Variants in INPP5D observed in about 807,000 individuals in gnomAD.
INPP5D encodes the protein inositol polyphosphate-5-phosphatase D, also known as phosphatidylinositol 3,4,5-trisphosphate 5-phosphatase 1.
In INPP5D, 33 loss-of-function variants were observed where a neutral mutation model predicts 122.9. The ratio of observed to expected loss-of-function variants is 0.27; its 90% CI spans 0.20 to 0.36. The LOEUF is 0.36. INPP5D is among the 10% of genes least tolerant of loss of function. The pLI, the probability that INPP5D is intolerant of heterozygous loss-of-function variation, is 1.00. For synonymous variants in INPP5D, 584 were observed against 576.2 expected, an observed-to-expected ratio of 1.01 and a Z score of -0.19; for missense variants, 1,053 against 1,412.7, an observed-to-expected ratio of 0.75 and a Z score of 4.08.
intron 1 of INPP5D, among the ~76,000 whole-genome samples, chr2:233,077,509 AT>A (rs1168489775): frequency 6.6e-6 from 1 of 152,216 alleles, no homozygotes; most frequent in Non-Finnish European, 1.5e-5. Context: ...AAAATACAAA[AT>A]TAGCTGGGTG....
intron 2 of INPP5D, among the ~76,000 whole-genome samples, chr2:233,103,704 T>C (rs1312843895): frequency 1.6e-5 from 2 of 126,208 alleles, no homozygotes; most frequent in East Asian, 4.0e-4. Flanking sequence ...AAGTAGTTCT[T>C]TTTTTTTTTT....
At chr2:233,073,301 C>G (rs1263340728) in intron 1 of INPP5D, among the ~76,000 whole-genome samples, 1 of 152,122 alleles carries the variant, frequency 6.6e-6, no homozygotes, top group East Asian at 1.9e-4. Flanking sequence ...GTGACAGGCT[C>G]TTAGGTTGGT....
At chr2:233,163,564 T>A (rs1319537593) in intron 11 of INPP5D, 143 bp from the exon 12 acceptor site, 1 of 1,445,288 alleles carries the variant, frequency 6.9e-7, no homozygotes. Context: ...CAGGCCTCCA[T>A]TGCAGGCATT....
intron 9 of INPP5D, among the ~76,000 whole-genome samples, chr2:233,149,091 G>A (rs138328498): frequency 0.41 from 60,340 of 146,186 alleles, 12,745 homozygotes; most frequent in South Asian, 0.48. Context: ...CTTCAGGCAT[G>A]ATCAGCACCT....
Position 233,170,949 on chromosome 2 carries a change from T to C in INPP5D, c.1901-115T>C. On this transcript the variant is annotated intron_variant, in intron 16 of 26. Coordinates refer to ENST00000445964, the MANE Select transcript of INPP5D (RefSeq NM_001017915.3). The surrounding 1 kb of genome is among the most constrained non-coding windows in gnomAD (Gnocchi z 4.5). ...AGCAGCAGCCTCTCCTCTTGGAGCC[T>C]TTCCAGCCATCCTTTCGTCCCCTTT... 7.0e-7 allele frequency: 1 copy of C among 1,419,724 alleles called. No individual in the cohort carries two copies. Among genetic ancestry groups the C allele is most frequent in the Non-Finnish European group, 9.5e-7 (1 of 1,048,928 alleles). The allele number at this position is 1,419,724 out of a possible 1,614,324, so 87.9% of individuals were successfully genotyped here. A position where few individuals can be genotyped will look rare whatever the true frequency, so the allele number is the denominator to read the frequency against.
intron 20 of INPP5D, 43 bp from the exon 21 acceptor site, chr2:233,185,800 C>A (rs1351562632): frequency 2.6e-6 from 4 of 1,532,162 alleles, no homozygotes; most frequent in Middle Eastern, 1.7e-4. Context: ...CTGTCTGGTT[C>A]TTGCTCTGTT....
At position 233,074,482 on chromosome 2, in the gene INPP5D, C is replaced by T. The variant is rs71421678; in HGVS notation, c.135-4853C>T. On this transcript the variant is annotated intron_variant, in intron 1 of 26. Coordinates refer to ENST00000445964, the MANE Select transcript of INPP5D (RefSeq NM_001017915.3). ...GGGGTCCATGTTAGCAAGAAATGGC[C>T]TCTTTTCATTCATCAACTTTAGCTT... Among the ~76,000 whole-genome samples, 479 of 152,296 alleles carry T rather than the reference C, an allele frequency of 3.1e-3. 4 individuals carry two copies. Among genetic ancestry groups the T allele is most frequent in the Non-Finnish European group, 5.7e-3 (386 of 68,020 alleles).
chr2:233,194,022 C>T (rs912591629), intron 23 of INPP5D, 61 bp downstream of exon 23: 14 of 1,496,030 alleles, frequency 9.4e-6, no homozygotes, highest in Admixed American at 2.4e-5. Context: ...CGGGAACGTG[C>T]TTTCTCTCAG....
At position 233,188,226 on chromosome 2, in the gene INPP5D, T is replaced by C. The variant is rs1309253255; in HGVS notation, c.2359-1624T>C. ...CAGGACTGCAGGGGCCTTCACCGTC[T>C]CCTGCTCCCTGACCCCCGCCCCACC... is the stretch of plus-strand genomic sequence containing the variant. On this transcript the variant is annotated intron_variant, in intron 21 of 26. Transcript: ENST00000445964. This position sits in a 1 kb window ranked among gnomAD's most constrained non-coding sequence, Gnocchi z 4.7. 1.3e-5 allele frequency among the ~76,000 whole-genome samples: 2 copies of C among 152,058 alleles called. No homozygotes were observed. Among genetic ancestry groups the C allele is most frequent in the Admixed American group, 1.3e-4 (2 of 15,264 alleles).
rs148905765 is a variant in INPP5D, at chr2:233,125,223, G to A, written c.350-522G>A. Among the ~76,000 whole-genome samples the A allele has an allele frequency of 3.0e-3, 456 of 152,344 alleles. 2 individuals are homozygous for A. Among genetic ancestry groups the A allele is most frequent in the African/African-American group, 0.011 (439 of 41,564 alleles). ...TCTTTTATGTGTTTCTGAGAGTCTG[G>A]GGGAGGAGAGAAGGAAGGACAGAGG... On this transcript the variant is annotated intron_variant, in intron 3 of 26. Coordinates refer to ENST00000445964, the MANE Select transcript of INPP5D (RefSeq NM_001017915.3).
intron 4 of INPP5D, among the ~76,000 whole-genome samples, chr2:233,127,328 A>C: frequency 6.6e-6 from 1 of 152,238 alleles, no homozygotes; most frequent in East Asian, 1.9e-4. Flanking sequence ...TGCAGAGACC[A>C]AGGAAAGCGG....
In INPP5D at chr2:233,204,557, C is replaced by G; in HGVS notation, c.3407C>G (p.Thr1136Ser). 1.9e-6 allele frequency: 3 copies of G among 1,571,658 alleles called. No individual in the cohort carries two copies. Among genetic ancestry groups the G allele is most frequent in the South Asian group, 1.2e-5 (1 of 85,814 alleles). Residue 1136 changes from threonine (T) to serine (S), a missense_variant, in exon 26 of 27, where the codon ACC (threonine) becomes AGC (serine). Coordinates refer to ENST00000445964, the MANE Select transcript of INPP5D (RefSeq NM_001017915.3). ...RSEINQQTPP[T>S]PTPRPPLPVK... ...GAAATCAACCAGCAGACCCCGCCCA[C>G]CCCGACGCCGCGGCCGCCGCTGCCA...
chr2:233,070,576 G>A (rs934829270), intron 1 of INPP5D, among the ~76,000 whole-genome samples: 5 of 151,964 alleles, frequency 3.3e-5, no homozygotes, highest in Admixed American at 3.3e-4. Flanking sequence ...CGAGTAGCTG[G>A]GATTACAGGC....
chr2:233,134,048 T>C (rs907557313), intron 5 of INPP5D: 4 of 455,572 alleles, frequency 8.8e-6, no homozygotes, highest in African/African-American at 8.0e-5. Context: ...TGCCGCTTGA[T>C]TGGATGTGGG....
At position 233,197,642 on chromosome 2, in the gene INPP5D, T is replaced by C. The variant is rs1695218055; in HGVS notation, c.2694-453T>C. Among the ~76,000 whole-genome samples, 1 of 152,214 alleles carries C rather than the reference T, an allele frequency of 6.6e-6. No homozygotes were observed. Among genetic ancestry groups the C allele is most frequent in the South Asian group, 2.1e-4 (1 of 4,830 alleles). ...AGTCTCCCCTTCTTTCTCTCTTATC[T>C]GCTTATCTTCTTATCTCAGATGAAA... On this transcript the variant is annotated intron_variant, in intron 24 of 26. Transcript: ENST00000445964. This position sits in a 1 kb window ranked among gnomAD's most constrained non-coding sequence, Gnocchi z 4.4.
chr2:233,171,389 C>A, intron 17 of INPP5D: 1 of 481,800 alleles, frequency 2.1e-6, no homozygotes. Flanking sequence ...CTCTAAGATG[C>A]TGAGAGGACT....
intron 18 of INPP5D, among the ~76,000 whole-genome samples, chr2:233,181,372 C>A (rs994196239): frequency 6.6e-6 from 1 of 152,086 alleles, no homozygotes; most frequent in Non-Finnish European, 1.5e-5. Context: ...CCTTTGCTGG[C>A]GGTTTTTCCT....
rs755601897 is a variant in INPP5D at position 233,188,413 on chromosome 2, C to A, written c.2359-1437C>A. ...ATTTCCACTCCATCCCAGGGAGGAC[C>A]GGGTCTTCCTCCAGCATCCAAGAAC... On this transcript the variant is annotated intron_variant, in intron 21 of 26. Coordinates refer to ENST00000445964, the MANE Select transcript of INPP5D (RefSeq NM_001017915.3). The surrounding 1 kb of genome is among the most constrained non-coding windows in gnomAD (Gnocchi z 4.7). 6.6e-6 allele frequency among the ~76,000 whole-genome samples: 1 copy of A among 152,120 alleles called. No individual in the cohort carries two copies. Among genetic ancestry groups the A allele is most frequent in the South Asian group, 2.1e-4 (1 of 4,824 alleles).
At chr2:233,176,009 T>C (rs12470626) in intron 17 of INPP5D, among the ~76,000 whole-genome samples, 5,261 of 152,048 alleles carry the variant, frequency 0.035, 157 homozygotes, top group East Asian at 0.12. Context: ...TGAAAGAAAA[T>C]TGGTAAAAGG....
Sources: gnomAD v4.1 joint callset for allele counts (sites outside exome capture counted in the v4.1 genomes callset) on GRCh38, gnomAD v4.1.1 for gene constraint, Gnocchi (gnomAD v3.1) non-coding constraint, MANE v1.5 for transcripts, NCBI Gene and HGNC (gene_info 2026-07-23, HGNC 2026-07-21) for gene names.